Variants in FBXL7 observed in about 807,000 individuals in gnomAD.
FBXL7 encodes F-box and leucine rich repeat protein 7.
A neutral mutation model predicts 38.3 loss-of-function variants in FBXL7; 12 were observed. The observed-to-expected ratio is 0.31, with a 90% CI of 0.20 to 0.51. The LOEUF is 0.51. Ranked by LOEUF, FBXL7 falls within the 20% of genes least tolerant of loss-of-function variation. The pLI is 0.98. For synonymous variants in FBXL7, 297 were observed against 300.9 expected, an observed-to-expected ratio of 0.99 and a Z score of 0.13; for missense variants, 567 against 676.4, an observed-to-expected ratio of 0.84 and a Z score of 1.79.
intron 1 of FBXL7, among the ~76,000 whole-genome samples, chr5:15,529,405 A>G (rs1737353188): frequency 6.6e-6 from 1 of 151,108 alleles, no homozygotes; most frequent in African/African-American, 2.4e-5. Flanking sequence ...TTTTTTTTTA[A>G]GACAGAGTCT....
At chr5:15,648,187 C>T (rs6898779) in intron 2 of FBXL7, among the ~76,000 whole-genome samples, 52,710 of 152,044 alleles carry the variant, frequency 0.35, 9,374 homozygotes, top group East Asian at 0.51. Flanking sequence ...AATGTGTTTC[C>T]ACTAATATTG....
At chr5:15,636,900 T>A (rs2126549779) in intron 2 of FBXL7, among the ~76,000 whole-genome samples, 1 of 152,244 alleles carries the variant, frequency 6.6e-6, no homozygotes, top group African/African-American at 2.4e-5. Context: ...GAAATTCACA[T>A]AGTTGATATT....
Position 15,819,681 on chromosome 5 carries a change from G to A in FBXL7, c.128-108209G>A, listed in dbSNP as rs377415443. On this transcript the variant is annotated intron_variant, in intron 2 of 3. Coordinates refer to ENST00000504595, the MANE Select transcript of FBXL7 (RefSeq NM_012304.5). ...ATCACAATGAAAGCCACAAAAGCAT[G>A]GAGTGCGTTTGATATCAACCAGTTT... 3.6e-4 allele frequency among the ~76,000 whole-genome samples: 55 copies of A among 152,280 alleles called. No homozygotes were observed. In the East Asian group the frequency reaches 9.7e-3, roughly 27 times the overall value.
chr5:15,588,453 C>G (rs1186261591), intron 1 of FBXL7, among the ~76,000 whole-genome samples: 1 of 148,118 alleles, frequency 6.8e-6, no homozygotes. Context: ...GTGGCACGAT[C>G]TCGGGTCACT....
At chr5:15,593,985 A>C (rs1438549737) in intron 1 of FBXL7, among the ~76,000 whole-genome samples, 3 of 152,240 alleles carry the variant, frequency 2.0e-5, no homozygotes, top group Non-Finnish European at 4.4e-5. Flanking sequence ...ACCTATGAAA[A>C]TGGCAATTTC....
At chr5:15,717,586 A>G (rs2126648817) in intron 2 of FBXL7, among the ~76,000 whole-genome samples, 1 of 152,310 alleles carries the variant, frequency 6.6e-6, no homozygotes, top group South Asian at 2.1e-4. Flanking sequence ...AAAGTTCTTG[A>G]TTGCCCCCTT....
chr5:15,533,302 G>T (rs1025795929), intron 1 of FBXL7, among the ~76,000 whole-genome samples: 4 of 152,152 alleles, frequency 2.6e-5, no homozygotes, highest in Non-Finnish European at 5.9e-5. Flanking sequence ...AAAACTGATT[G>T]ACTCGTGGGG....
intron 2 of FBXL7, among the ~76,000 whole-genome samples, chr5:15,638,859 C>G (rs942220357): frequency 1.3e-5 from 2 of 152,130 alleles, no homozygotes; most frequent in Non-Finnish European, 2.9e-5. Context: ...ATATTTCAGA[C>G]TTTGTGATAC....
chr5:15,815,340 C>T, intron 2 of FBXL7, among the ~76,000 whole-genome samples: 1 of 152,290 alleles, frequency 6.6e-6, no homozygotes, highest in African/African-American at 2.4e-5. Context: ...GTCCAACCTC[C>T]ATGGAAACAG....
chr5:15,764,949 A>G (rs1250587302), intron 2 of FBXL7, among the ~76,000 whole-genome samples: 3 of 152,250 alleles, frequency 2.0e-5, no homozygotes, highest in African/African-American at 7.2e-5. Flanking sequence ...ACATAATAAG[A>G]GATAAGACAA....
At chr5:15,625,059 G>A (rs1443739938) in intron 2 of FBXL7, among the ~76,000 whole-genome samples, 3 of 151,686 alleles carry the variant, frequency 2.0e-5, no homozygotes, top group East Asian at 1.9e-4. Flanking sequence ...TGGACTTTTC[G>A]GTGACCAGAA....
chr5:15,582,964 A>G (rs1430537403), intron 1 of FBXL7, among the ~76,000 whole-genome samples: 1 of 138,384 alleles, frequency 7.2e-6, no homozygotes, highest in Non-Finnish European at 1.5e-5. Context: ...GGGATGTTGT[A>G]TTAGTCTATT....
At chr5:15,840,714 G>T (rs1042637898) in intron 2 of FBXL7, among the ~76,000 whole-genome samples, 1 of 151,940 alleles carries the variant, frequency 6.6e-6, no homozygotes. Context: ...GGGCACGGTG[G>T]CACGCGCTTG....
chr5:15,624,437 G>A (rs1460475052), intron 2 of FBXL7, among the ~76,000 whole-genome samples: 8 of 152,172 alleles, frequency 5.3e-5, no homozygotes, highest in African/African-American at 1.9e-4. Context: ...GCATTTACCC[G>A]AAGATAACTT....
At chr5:15,623,486 C>T (rs1019664322) in intron 2 of FBXL7, among the ~76,000 whole-genome samples, 1 of 152,166 alleles carries the variant, frequency 6.6e-6, no homozygotes, top group South Asian at 2.1e-4. Context: ...AATCTAGAAT[C>T]ACCAATTTGA....
intron 2 of FBXL7, among the ~76,000 whole-genome samples, chr5:15,680,106 A>T (rs1742795407): frequency 1.3e-5 from 2 of 152,210 alleles, no homozygotes; most frequent in South Asian, 4.2e-4. Context: ...TCCTTTACAT[A>T]CTCACTTCTG....
intron 2 of FBXL7, among the ~76,000 whole-genome samples, chr5:15,766,524 A>G (rs1261906711): frequency 6.6e-6 from 1 of 152,248 alleles, no homozygotes; most frequent in African/African-American, 2.4e-5. Context: ...GGGAGTGAAT[A>G]TAAGTTAGTA....
intron 1 of FBXL7, among the ~76,000 whole-genome samples, chr5:15,529,511 G>C (rs1206460468): frequency 6.6e-6 from 1 of 151,734 alleles, no homozygotes; most frequent in Non-Finnish European, 1.5e-5. Flanking sequence ...TCAGCCTCCC[G>C]AGTAGCTGGG....
chr5:15,893,854 A>G, intron 2 of FBXL7, among the ~76,000 whole-genome samples: 1 of 152,234 alleles, frequency 6.6e-6, no homozygotes, highest in Non-Finnish European at 1.5e-5. Context: ...TTCAATGCAT[A>G]CGCCTGGTAA....
Sources: gnomAD v4.1 joint callset for allele counts (sites outside exome capture counted in the v4.1 genomes callset) on GRCh38, gnomAD v4.1.1 for gene constraint, MANE v1.5 for transcripts, NCBI Gene and HGNC (gene_info 2026-07-23, HGNC 2026-07-21) for gene names.